The following IFNAR2 variants were observed in gnomAD, a reference collection of about 807,000 sequenced individuals.
The protein encoded by IFNAR2 is interferon alpha/beta receptor 2.
IFNAR2 carries 30 observed loss-of-function variants against 49.4 expected under a neutral mutation model. That is an observed-to-expected ratio of 0.61 (90% CI 0.45 to 0.82). The LOEUF is 0.82. Ranked by LOEUF, IFNAR2 falls within the 40% of genes least tolerant of loss-of-function variation. The pLI is 0.00. For missense variants in IFNAR2, 600 were observed against 622.7 expected, an observed-to-expected ratio of 0.96 and a Z score of 0.39; for synonymous variants, 224 against 234.5, an observed-to-expected ratio of 0.96 and a Z score of 0.41.
rs926513147 is a variant in IFNAR2 at position 33,251,633 on chromosome 21, G to C, written c.541-1029G>C. Reference sequence around the variant, plus strand: ...AACATCATTACTGAAGGCTGTATTTGAGCTGCTAGGAATCCTCATTTATTA... The same window carrying C: ...AACATCATTACTGAAGGCTGTATTTCAGCTGCTAGGAATCCTCATTTATTA... On this transcript the variant is annotated intron_variant, in intron 6 of 8. Coordinates refer to ENST00000342136, the MANE Select transcript of IFNAR2 (RefSeq NM_001289125.3). 4 of 985,262 alleles carry C rather than the reference G, an allele frequency of 4.1e-6. No homozygotes were observed. The African/African-American group carries it at 7.0e-5, about 17-fold the overall frequency. 61.0% of individuals were successfully genotyped at this position (985,262 alleles called of 1,614,324 possible).
At chr21:33,246,416 A>G (rs1987413175) in intron 4 of IFNAR2, among the ~76,000 whole-genome samples, 1 of 152,176 alleles carries the variant, frequency 6.6e-6, no homozygotes, top group Admixed American at 6.5e-5. Context: ...AGGGGGTCCA[A>G]CTGTGAACCA....
In IFNAR2 at chr21:33,241,874, T is replaced by C. The variant is rs1366235692; in HGVS notation, c.-49T>C. 16 of 1,607,824 alleles carry C rather than the reference T, an allele frequency of 1.0e-5. No homozygotes were observed. Among genetic ancestry groups the C allele is most frequent in the Non-Finnish European group, 1.3e-5 (15 of 1,176,062 alleles). On this transcript the variant is annotated 5_prime_UTR_variant, in exon 2 of 9. It removes an upstream start codon present in the reference 5' UTR. Coordinates refer to ENST00000342136, the MANE Select transcript of IFNAR2 (RefSeq NM_001289125.3). ...ACACTTCAGAATTTTGATCACCTAA[T>C]GTTGATTTCAGATGTAAAAGTCAAG...
intron 2 of IFNAR2, among the ~76,000 whole-genome samples, chr21:33,242,374 C>T (rs1987002451): frequency 6.6e-6 from 1 of 152,084 alleles, no homozygotes; most frequent in Non-Finnish European, 1.5e-5. Flanking sequence ...ACAATTGCCT[C>T]TGAGGACATT....
intron 6 of IFNAR2, chr21:33,251,806 G>A: frequency 3.1e-6 from 3 of 982,252 alleles, no homozygotes; most frequent in Non-Finnish European, 3.6e-6. Flanking sequence ...GAGATGGCTG[G>A]GCACAGTGGC....
At chr21:33,243,750 T>C in intron 3 of IFNAR2, 36 bp downstream of exon 3, 2 of 1,486,294 alleles carry the variant, frequency 1.3e-6, no homozygotes, top group Non-Finnish European at 1.9e-6. Context: ...AAATTTTGTA[T>C]AAGAGTGAAA....
In IFNAR2 at chr21:33,249,807, G is replaced by A. The variant is rs115016916; in HGVS notation, c.540+953G>A. 2.1e-3 allele frequency among the ~76,000 whole-genome samples: 314 copies of A among 152,290 alleles called. 3 individuals carry two copies. Among genetic ancestry groups the A allele is most frequent in the African/African-American group, 7.4e-3 (307 of 41,558 alleles). ...TAATCAGGGTAGATGCATTTCAGGC[G>A]GAGGGCACAGGAAGTTCAAAGGCTC... is the stretch of plus-strand genomic sequence containing the variant. On this transcript the variant is annotated intron_variant, in intron 6 of 8. Transcript: ENST00000342136.
At chr21:33,262,149 G>A (rs564398469) in intron 8 of IFNAR2, among the ~76,000 whole-genome samples, 1 of 152,132 alleles carries the variant, frequency 6.6e-6, no homozygotes, top group Admixed American at 6.5e-5. Context: ...GGTAGATCAC[G>A]AGGTCGGGAG....
At chr21:33,233,974 A>G (rs921128299) in intron 1 of IFNAR2, among the ~76,000 whole-genome samples, 29 of 152,252 alleles carry the variant, frequency 1.9e-4, no homozygotes, top group African/African-American at 6.7e-4. Flanking sequence ...CTCTTCTTTC[A>G]AAGAATGGAA....
At chr21:33,241,708 G>T in intron 1 of IFNAR2, 132 bp from the exon 2 acceptor site, 1 of 498,168 alleles carries the variant, frequency 2.0e-6, no homozygotes, top group Non-Finnish European at 3.3e-6. Context: ...ATTCCTCCCA[G>T]ACTAGGTAGG....
intron 1 of IFNAR2, chr21:33,234,873 G>A (rs562875883): frequency 3.4e-6 from 1 of 298,376 alleles, no homozygotes; most frequent in Non-Finnish European, 5.0e-6. Flanking sequence ...AGGAATGAAA[G>A]GGTGGCTACT....
chr21:33,229,942 C>T lies in IFNAR2; in HGVS notation c.-358C>T, dbSNP rs1161075663. 29 of 983,474 alleles carry T rather than the reference C, an allele frequency of 2.9e-5. No individual in the cohort carries two copies. The highest frequency in any genetic ancestry group is 3.5e-5 in the African/African-American group (2 of 56,820). 60.9% of individuals were successfully genotyped at this position (983,474 alleles called of 1,614,324 possible). ...CGGCGCGGCGCCCGCGCTTCCGTAT[C>T]GCTCCTCGTAGGCCGGGGCTCGGCG... On this transcript the variant is annotated 5_prime_UTR_variant, in exon 1 of 9. Transcript: ENST00000342136.
rs1468886696 is a variant in IFNAR2, at chr21:33,265,418, A to C, written c.*1918A>C. The C allele has an allele frequency of 6.5e-6, 1 of 153,486 alleles. No homozygotes were observed. Among genetic ancestry groups the C allele is most frequent in the Admixed American group, 6.5e-5 (1 of 15,496 alleles). 9.5% of individuals were successfully genotyped at this position (153,486 alleles called of 1,614,324 possible). A position where few individuals can be genotyped will look rare whatever the true frequency, so the allele number is the denominator to read the frequency against. ...ATTATTTATATGATTGCTCATAAGG[A>C]TGAGGCTGTGAGGAGGGAACACCTT... On this transcript the variant is annotated 3_prime_UTR_variant, in exon 9 of 9. Transcript: ENST00000342136.
chr21:33,249,114 C>T (rs995313965), intron 6 of IFNAR2, among the ~76,000 whole-genome samples: 1 of 152,114 alleles, frequency 6.6e-6, no homozygotes, highest in Non-Finnish European at 1.5e-5. Flanking sequence ...GAGGCCGAGG[C>T]GGGCAGATCA....
chr21:33,260,834 T>G, intron 8 of IFNAR2, 107 bp downstream of exon 8: 1 of 666,214 alleles, frequency 1.5e-6, no homozygotes, highest in Non-Finnish European at 2.3e-6. Flanking sequence ...TCTCATTTTC[T>G]ATAAACACCA....
chr21:33,236,338 G>C (rs1322270722), intron 1 of IFNAR2, among the ~76,000 whole-genome samples: 1 of 152,146 alleles, frequency 6.6e-6, no homozygotes, highest in Non-Finnish European at 1.5e-5. Context: ...ATCCAGCCTG[G>C]GGCAGGCTCT....
chr21:33,250,906 A>G (rs1410686377), intron 6 of IFNAR2, among the ~76,000 whole-genome samples: 3 of 152,212 alleles, frequency 2.0e-5, no homozygotes, highest in African/African-American at 7.2e-5. Flanking sequence ...AAGATGATGA[A>G]TGAAGCAGGT....
At chr21:33,241,070 A>G (rs1169977858) in intron 1 of IFNAR2, among the ~76,000 whole-genome samples, 1 of 152,174 alleles carries the variant, frequency 6.6e-6, no homozygotes, top group Non-Finnish European at 1.5e-5. Flanking sequence ...GAGTTAAGGA[A>G]TGAGAAATTA....
chr21:33,258,272 T>C (rs930576921), intron 7 of IFNAR2, among the ~76,000 whole-genome samples: 3 of 152,116 alleles, frequency 2.0e-5, no homozygotes, highest in East Asian at 3.9e-4. Context: ...ACCACTGTAC[T>C]CCAGCCTGAG....
chr21:33,254,330 A>G (rs750560462), intron 7 of IFNAR2, among the ~76,000 whole-genome samples: 1 of 152,230 alleles, frequency 6.6e-6, no homozygotes, highest in Non-Finnish European at 1.5e-5. Flanking sequence ...TGACAAAAAG[A>G]TGCTTTGTAG....
Sources: gnomAD v4.1 joint callset for allele counts (sites outside exome capture counted in the v4.1 genomes callset) on GRCh38, gnomAD v4.1.1 for gene constraint, MANE v1.5 for transcripts, NCBI Gene and HGNC (gene_info 2026-07-23, HGNC 2026-07-21) for gene names.